ASIC2: variants seen among roughly 807,000 people sequenced by gnomAD.
ASIC2 encodes the protein acid-sensing ion channel 2.
A neutral mutation model predicts 57.3 loss-of-function variants in ASIC2; 25 were observed. That is an observed-to-expected ratio of 0.44 (90% CI 0.32 to 0.61). ASIC2 has a LOEUF of 0.61. ASIC2 is among the 20% of genes least tolerant of loss of function. The probability of loss-of-function intolerance (pLI) is 0.06; values close to 1 mark genes in which losing one functional copy is unlikely to be tolerated. For synonymous variants in ASIC2, 319 were observed against 307.5 expected, an observed-to-expected ratio of 1.04 and a Z score of -0.39; for missense variants, 641 against 738.1, an observed-to-expected ratio of 0.87 and a Z score of 1.52.
chr17:33,293,459 T>C (rs1905595579), upstream of ASIC2, among the ~76,000 whole-genome samples: 1 of 143,508 alleles, frequency 7.0e-6, no homozygotes, highest in Non-Finnish European at 1.5e-5. Flanking sequence ...GGGTGGGGTG[T>C]GGTGGGGAGC....
intron 1 of ASIC2, among the ~76,000 whole-genome samples, chr17:33,207,147 T>G (rs931298679): frequency 1.3e-5 from 2 of 152,258 alleles, no homozygotes; most frequent in African/African-American, 4.8e-5. Flanking sequence ...GAAGGGCTTA[T>G]AAAGGAGAAT....
intron 1 of ASIC2, among the ~76,000 whole-genome samples, chr17:33,845,705 T>C (rs1913575202): frequency 6.6e-6 from 1 of 152,202 alleles, no homozygotes; most frequent in African/African-American, 2.4e-5. Context: ...CCTTCATCTT[T>C]CTCATGCAAT....
At chr17:33,681,767 A>G (rs1908008569) in intron 1 of ASIC2, among the ~76,000 whole-genome samples, 1 of 152,132 alleles carries the variant, frequency 6.6e-6, no homozygotes, top group Non-Finnish European at 1.5e-5. Context: ...TGTCGTGCAC[A>G]TATGCTTGTC....
At chr17:33,732,496 G>A (rs1909773171) in intron 1 of ASIC2, among the ~76,000 whole-genome samples, 1 of 145,984 alleles carries the variant, frequency 6.9e-6, no homozygotes, top group South Asian at 2.2e-4. Context: ...CAGGCGCTAA[G>A]GAAATTCTTT....
At chr17:33,673,568 A>T (rs564195197) in intron 1 of ASIC2, among the ~76,000 whole-genome samples, 1 of 152,196 alleles carries the variant, frequency 6.6e-6, no homozygotes, top group Non-Finnish European at 1.5e-5. Context: ...CCAGGACCAC[A>T]TATCACCAGG....
At chr17:33,582,871 T>TA (rs1312395127) in intron 1 of ASIC2, among the ~76,000 whole-genome samples, 1 of 152,222 alleles carries the variant, frequency 6.6e-6, no homozygotes, top group Non-Finnish European at 1.5e-5. Context: ...TCTGTCATGT[T>TA]AAAAAGCAGT....
intron 1 of ASIC2, among the ~76,000 whole-genome samples, chr17:33,583,895 T>A (rs531107926): frequency 6.6e-6 from 1 of 152,276 alleles, no homozygotes; most frequent in East Asian, 1.9e-4. Flanking sequence ...TGATGAGATG[T>A]CATCCTGGGG....
intron 1 of ASIC2, among the ~76,000 whole-genome samples, chr17:33,375,126 A>T (rs373442026): frequency 1.4e-4 from 22 of 152,338 alleles, no homozygotes; most frequent in Admixed American, 6.5e-4. Context: ...TCAGAGGATG[A>T]TAAGTGTTAC....
chr17:33,745,047 C>T (rs1028082835), intron 1 of ASIC2, among the ~76,000 whole-genome samples: 1 of 152,162 alleles, frequency 6.6e-6, no homozygotes. Flanking sequence ...AGCAGAGCCT[C>T]AGAGAAATGT....
At chr17:33,544,277 G>T (rs115082012) in intron 1 of ASIC2, among the ~76,000 whole-genome samples, 1 of 152,098 alleles carries the variant, frequency 6.6e-6, no homozygotes, top group Non-Finnish European at 1.5e-5. Flanking sequence ...CACTTTGTTC[G>T]TCCACGCACC....
intron 1 of ASIC2, among the ~76,000 whole-genome samples, chr17:34,120,722 CTTTTTTTTTTTTTTTTCTTTTT>C (rs1248891718): frequency 1.1e-5 from 1 of 94,626 alleles, no homozygotes; most frequent in Non-Finnish European, 2.0e-5. Context: ...TGGGGTCCTT[CTTTTTTTTTTTTTTTTCTTTTT>C]TTTTTTTTTT....
intron 1 of ASIC2, chr17:34,039,712 T>C (rs1178629713): frequency 5.6e-6 from 9 of 1,612,432 alleles, no homozygotes; most frequent in Non-Finnish European, 7.6e-6. Flanking sequence ...CTGCTTTTTC[T>C]TGGGAGTCTC....
intron 1 of ASIC2, among the ~76,000 whole-genome samples, chr17:33,927,359 A>G (rs776536798): frequency 2.6e-5 from 4 of 152,170 alleles, no homozygotes; most frequent in Admixed American, 1.3e-4. Flanking sequence ...CTCCAATGTG[A>G]GGGTAGTAAG....
chr17:33,666,904 A>G (rs1015804698), intron 1 of ASIC2, among the ~76,000 whole-genome samples: 2 of 152,212 alleles, frequency 1.3e-5, no homozygotes, highest in Non-Finnish European at 2.9e-5. Flanking sequence ...TCAATAAATA[A>G]TGATTGTTTA....
chr17:33,276,205 G>A (rs1026503079), intron 1 of ASIC2, among the ~76,000 whole-genome samples: 3 of 149,316 alleles, frequency 2.0e-5, no homozygotes, highest in Non-Finnish European at 3.0e-5. Flanking sequence ...AGTAAATGAA[G>A]CTGTCAATCA....
At chr17:33,675,866 C>T (rs1907803492) in intron 1 of ASIC2, among the ~76,000 whole-genome samples, 1 of 152,194 alleles carries the variant, frequency 6.6e-6, no homozygotes, top group Non-Finnish European at 1.5e-5. Flanking sequence ...GCCAGTGCAC[C>T]TGATTTAGCC....
At chr17:33,544,191 C>T (rs1402928492) in intron 1 of ASIC2, among the ~76,000 whole-genome samples, 3 of 152,128 alleles carry the variant, frequency 2.0e-5, no homozygotes, top group African/African-American at 7.2e-5. Context: ...GAGATTCATC[C>T]ATGTGGTCGC....
At chr17:34,130,808 T>C (rs1412951699) in intron 1 of ASIC2, among the ~76,000 whole-genome samples, 3 of 152,206 alleles carry the variant, frequency 2.0e-5, no homozygotes, top group Non-Finnish European at 2.9e-5. Context: ...CAAATGCTTT[T>C]TGAAATGAAA....
chr17:33,762,129 G>T (rs1378922816), intron 1 of ASIC2, among the ~76,000 whole-genome samples: 1 of 152,150 alleles, frequency 6.6e-6, no homozygotes. Context: ...AACTCAGCAG[G>T]TGCTGAGAAT....
Sources: allele counts gnomAD v4.1 joint callset (sites outside exome capture counted in the v4.1 genomes callset), GRCh38; gene constraint gnomAD v4.1.1; transcripts MANE v1.5; gene names NCBI Gene and HGNC (gene_info 2026-07-23, HGNC 2026-07-21).